The following METTL15 variants were observed in gnomAD, a reference collection of about 807,000 sequenced individuals.
The protein encoded by METTL15 is 12S rRNA N(4)-cytidine methyltransferase METTL15.
METTL15 carries 34 observed loss-of-function variants against 38.3 expected under a neutral mutation model. The ratio of observed to expected loss-of-function variants is 0.89; its 90% confidence interval spans 0.68 to 1.18. The LOEUF (loss-of-function observed/expected upper bound fraction) is 1.18, where lower values mean the gene tolerates loss of function less well. Ranked by LOEUF, METTL15 falls within the 50% of genes most tolerant of loss-of-function variation. The pLI, the probability that METTL15 is intolerant of heterozygous loss-of-function variation, is 0.00. For missense variants in METTL15, 438 were observed against 498.4 expected, an observed-to-expected ratio of 0.88 and a Z score of 1.15; for synonymous variants, 162 against 170.9, an observed-to-expected ratio of 0.95 and a Z score of 0.41.
chr11:28,258,503 C>G (rs192508711), intron 4 of METTL15, among the ~76,000 whole-genome samples: 5 of 152,238 alleles, frequency 3.3e-5, no homozygotes, highest in Non-Finnish European at 5.9e-5. Flanking sequence ...GAGGTGCTAT[C>G]TAGGAGCCAG....
chr11:28,497,746 C>G (rs1042622997), intron 6 of METTL15, among the ~76,000 whole-genome samples: 1 of 152,106 alleles, frequency 6.6e-6, no homozygotes, highest in Non-Finnish European at 1.5e-5. Flanking sequence ...GAGGCAAAGT[C>G]TCTCTGAAAC....
In METTL15 at chr11:28,184,887, G is replaced by T. The variant is rs191248205; in HGVS notation, c.271-26175G>T. Among the ~76,000 whole-genome samples, 26 of 151,480 alleles carry T rather than the reference G, an allele frequency of 1.7e-4. No homozygotes were observed. In the East Asian group the frequency reaches 4.9e-3, roughly 28 times the overall value. ...TGTTGCATGAAAGCTATTTGCTATT[G>T]CATGTATCCAAGGAAAATACCAGAT... On this transcript the variant is annotated intron_variant, in intron 3 of 6. Coordinates refer to ENST00000407364, the MANE Select transcript of METTL15 (RefSeq NM_001113528.2).
intron 4 of METTL15, among the ~76,000 whole-genome samples, chr11:28,244,057 T>G (rs749198516): frequency 6.6e-6 from 1 of 152,126 alleles, no homozygotes; most frequent in Non-Finnish European, 1.5e-5. Context: ...AGTTCAAAAA[T>G]AGGCAACCTA....
chr11:28,181,259 A>ATTTTTTTTTTT (rs71449171), intron 3 of METTL15, among the ~76,000 whole-genome samples: 2 of 133,798 alleles, frequency 1.5e-5, no homozygotes, highest in African/African-American at 5.4e-5. Context: ...TTAATTTTTA[A>ATTTTTTTTTTT]TTTTTTTTTT....
intron 4 of METTL15, among the ~76,000 whole-genome samples, chr11:28,223,630 T>C (rs1853344842): frequency 1.3e-5 from 2 of 152,142 alleles, no homozygotes; most frequent in African/African-American, 4.8e-5. Flanking sequence ...TCTTAAAAAA[T>C]CCCATGTCCT....
intron 6 of METTL15, among the ~76,000 whole-genome samples, chr11:28,441,251 A>AT (rs1161593968): frequency 3.3e-5 from 5 of 151,304 alleles, no homozygotes; most frequent in East Asian, 3.9e-4. Context: ...TAATTTTTGT[A>AT]TTTTTTTAGT....
At chr11:28,310,589 A>C (rs1345533982) in intron 6 of METTL15, among the ~76,000 whole-genome samples, 4 of 152,080 alleles carry the variant, frequency 2.6e-5, no homozygotes, top group Non-Finnish European at 5.9e-5. Context: ...CAGCTTTACT[A>C]ATTACATCAT....
intron 3 of METTL15, among the ~76,000 whole-genome samples, chr11:28,153,227 C>T (rs891921383): frequency 1.3e-5 from 2 of 151,992 alleles, no homozygotes; most frequent in African/African-American, 2.4e-5. Flanking sequence ...CCTTATTTTA[C>T]CCAGCTCCTA....
At chr11:28,161,427 C>A (rs1590840144) in intron 3 of METTL15, among the ~76,000 whole-genome samples, 1 of 152,160 alleles carries the variant, frequency 6.6e-6, no homozygotes, top group African/African-American at 2.4e-5. Context: ...GATCATAAAT[C>A]ATTTCTTACA....
chr11:28,190,114 T>C (rs1673396733), intron 3 of METTL15, among the ~76,000 whole-genome samples: 1 of 151,244 alleles, frequency 6.6e-6, no homozygotes, highest in African/African-American at 2.4e-5. Context: ...TAGTGCTGTT[T>C]ATTAGTAATG....
At chr11:28,449,278 G>A (rs1851100120) in intron 6 of METTL15, among the ~76,000 whole-genome samples, 1 of 152,068 alleles carries the variant, frequency 6.6e-6, no homozygotes, top group African/African-American at 2.4e-5. Flanking sequence ...GATATTTTGG[G>A]CTGTTTGATC....
chr11:28,278,832 G>C (rs1485887530), intron 4 of METTL15, among the ~76,000 whole-genome samples: 1 of 151,992 alleles, frequency 6.6e-6, no homozygotes, highest in Admixed American at 6.6e-5. Flanking sequence ...CTTTAAGTTT[G>C]TTGTTGTTGT....
At chr11:28,515,387 A>G (rs146820729) in intron 6 of METTL15, among the ~76,000 whole-genome samples, 1 of 152,212 alleles carries the variant, frequency 6.6e-6, no homozygotes, top group African/African-American at 2.4e-5. Context: ...TTCCTATTAT[A>G]TTCATGTAAC....
chr11:28,220,874 AT>A (rs1565178929), intron 4 of METTL15, among the ~76,000 whole-genome samples: 2 of 152,212 alleles, frequency 1.3e-5, no homozygotes, highest in African/African-American at 4.8e-5. Flanking sequence ...TTCTTTAAGA[AT>A]GTTGAATATT....
intron 3 of METTL15, chr11:28,122,119 A>C (rs555896161): frequency 4.6e-5 from 56 of 1,214,182 alleles, no homozygotes; most frequent in Middle Eastern, 2.6e-4. Context: ...TCAAAGTATC[A>C]AGTTTAGAAA....
chr11:28,427,310 A>T (rs181430277), intron 6 of METTL15, among the ~76,000 whole-genome samples: 1 of 152,192 alleles, frequency 6.6e-6, no homozygotes, highest in Non-Finnish European at 1.5e-5. Context: ...TTCTTGAACC[A>T]GTACCATACT....
At chr11:28,298,183 C>T (rs918757205) in intron 6 of METTL15, among the ~76,000 whole-genome samples, 4 of 151,910 alleles carry the variant, frequency 2.6e-5, no homozygotes, top group African/African-American at 4.8e-5. Flanking sequence ...ACCAGCATGC[C>T]GACATTAAAG....
chr11:28,437,724 G>T (rs1850995523), intron 6 of METTL15, among the ~76,000 whole-genome samples: 1 of 152,182 alleles, frequency 6.6e-6, no homozygotes, highest in African/African-American at 2.4e-5. Flanking sequence ...CCTAGTACTA[G>T]AATGAATCAT....
At chr11:28,493,695 G>T (rs1390463036) in intron 6 of METTL15, among the ~76,000 whole-genome samples, 1 of 152,120 alleles carries the variant, frequency 6.6e-6, no homozygotes, top group Non-Finnish European at 1.5e-5. Context: ...AGGATTAGTT[G>T]TTCAAGGTCA....
Sources: allele counts gnomAD v4.1 joint callset (sites outside exome capture counted in the v4.1 genomes callset), GRCh38; gene constraint gnomAD v4.1.1; transcripts MANE v1.5; gene names NCBI Gene and HGNC (gene_info 2026-07-23, HGNC 2026-07-21).